CACNA1E: variants seen among roughly 807,000 people sequenced by gnomAD.
The protein encoded by CACNA1E is voltage-dependent R-type calcium channel subunit alpha-1E.
CACNA1E carries 40 observed loss-of-function variants against 259.2 expected under a neutral mutation model. The ratio of observed to expected loss-of-function variants is 0.15; its 90% CI spans 0.12 to 0.20. The LOEUF is 0.20. Ranked by LOEUF, CACNA1E falls within the 10% of genes least tolerant of loss-of-function variation. The probability of loss-of-function intolerance (pLI) is 1.00; values close to 1 mark genes in which losing one functional copy is unlikely to be tolerated. For missense variants in CACNA1E, 1,874 were observed against 3,040.1 expected, an observed-to-expected ratio of 0.62 and a Z score of 9.02; for synonymous variants, 1,104 against 1,138.5, an observed-to-expected ratio of 0.97 and a Z score of 0.61.
intron 43 of CACNA1E, among the ~76,000 whole-genome samples, chr1:181,786,941 A>C (rs939610952): frequency 6.6e-6 from 1 of 152,154 alleles, no homozygotes; most frequent in Admixed American, 6.5e-5. Flanking sequence ...AAAGGATGAG[A>C]GTCATGACCA....
At chr1:181,388,475 C>T (rs943911952) in intron 1 of CACNA1E, among the ~76,000 whole-genome samples, 1 of 152,164 alleles carries the variant, frequency 6.6e-6, no homozygotes, top group South Asian at 2.1e-4. Context: ...GCCTATCGCT[C>T]CTAGGCTACA....
chr1:181,676,710 A>G (rs1406503585), intron 7 of CACNA1E, among the ~76,000 whole-genome samples: 1 of 152,216 alleles, frequency 6.6e-6, no homozygotes, highest in African/African-American at 2.4e-5. Context: ...AAGTGAACTA[A>G]TATCCCCTAT....
intron 1 of CACNA1E, among the ~76,000 whole-genome samples, chr1:181,339,818 A>G (rs1652010148): frequency 6.6e-6 from 1 of 152,070 alleles, no homozygotes; most frequent in Non-Finnish European, 1.5e-5. Flanking sequence ...ACAGTTTCCT[A>G]TTAATTTGTA....
intron 6 of CACNA1E, among the ~76,000 whole-genome samples, chr1:181,587,005 T>G (rs990242506): frequency 6.6e-6 from 1 of 152,058 alleles, no homozygotes; most frequent in Non-Finnish European, 1.5e-5. Context: ...TGTGTGTGTG[T>G]GGTGTGGGGA....
At chr1:181,673,242 G>C (rs1026194873) in intron 7 of CACNA1E, among the ~76,000 whole-genome samples, 1 of 137,538 alleles carries the variant, frequency 7.3e-6, no homozygotes, top group African/African-American at 2.7e-5. Flanking sequence ...GTGTGTGTGT[G>C]TATTTTTCCC....
intron 7 of CACNA1E, among the ~76,000 whole-genome samples, chr1:181,661,346 T>G (rs1052053457): frequency 6.6e-6 from 1 of 152,116 alleles, no homozygotes; most frequent in Non-Finnish European, 1.5e-5. Context: ...GCAGCGGGGC[T>G]GAAGTACAGC....
chr1:181,766,346 A>C (rs1659022732), intron 34 of CACNA1E, among the ~76,000 whole-genome samples, 200 bp from the exon 35 acceptor site: 1 of 152,142 alleles, frequency 6.6e-6, no homozygotes, highest in Non-Finnish European at 1.5e-5. Context: ...CCTTTGGCCA[A>C]CTGTTTACCT....
chr1:181,324,732 T>G (rs1424594952), intron 1 of CACNA1E, among the ~76,000 whole-genome samples: 1 of 152,162 alleles, frequency 6.6e-6, no homozygotes, highest in Non-Finnish European at 1.5e-5. Flanking sequence ...GAGGTTTGCA[T>G]CCATGAAGCC....
intron 1 of CACNA1E, among the ~76,000 whole-genome samples, chr1:181,408,641 T>C (rs1189228587): frequency 6.6e-6 from 1 of 152,078 alleles, no homozygotes; most frequent in African/African-American, 2.4e-5. Context: ...GGAAGGGTTT[T>C]TCTGGGGCTG....
At chr1:181,567,950 T>C (rs1053416854) in intron 3 of CACNA1E, among the ~76,000 whole-genome samples, 6 of 151,906 alleles carry the variant, frequency 3.9e-5, no homozygotes, top group Admixed American at 6.5e-5. Context: ...TATATATATA[T>C]ACACACATAT....
In CACNA1E at chr1:181,785,699, C is replaced by T. The variant is rs755274149; in HGVS notation, c.5680-14C>T. The T allele has an allele frequency of 1.3e-6, 2 of 1,576,524 alleles. No homozygotes were observed. Among genetic ancestry groups the T allele is most frequent in the Non-Finnish European group, 1.7e-6 (2 of 1,146,702 alleles). On this transcript the variant is annotated splice_polypyrimidine_tract_variant and intron_variant, in intron 42 of 47. Coordinates refer to ENST00000367573, the MANE Select transcript of CACNA1E (RefSeq NM_001205293.3). The stretch of plus-strand genomic sequence containing the variant: ...ATTGGAATTCTTTCCTTCTTCTTCC[C>T]TCTTTTTACCCAGAAAAATGCCCCC...
chr1:181,443,123 C>T (rs1164393302), intron 2 of CACNA1E, among the ~76,000 whole-genome samples: 3 of 152,260 alleles, frequency 2.0e-5, no homozygotes. Flanking sequence ...ACACACACCA[C>T]TTTACTTTTT....
At chr1:181,522,751 C>T (rs951875114) in intron 3 of CACNA1E, among the ~76,000 whole-genome samples, 1 of 152,144 alleles carries the variant, frequency 6.6e-6, no homozygotes, top group Non-Finnish European at 1.5e-5. Flanking sequence ...AAGTAAGTGT[C>T]GTATTCTCTG....
At chr1:181,423,546 T>C (rs1658918772) in intron 2 of CACNA1E, among the ~76,000 whole-genome samples, 1 of 152,124 alleles carries the variant, frequency 6.6e-6, no homozygotes, top group African/African-American at 2.4e-5. Flanking sequence ...GTGATCACAT[T>C]CAAACAACAG....
chr1:181,391,662 G>C (rs73044202), intron 1 of CACNA1E, among the ~76,000 whole-genome samples: 32 of 152,122 alleles, frequency 2.1e-4, no homozygotes, highest in Admixed American at 1.2e-3. Context: ...CTCCCCCTGG[G>C]GCCTCCCAGT....
At chr1:181,590,047 C>G (rs895359611) in intron 6 of CACNA1E, among the ~76,000 whole-genome samples, 5 of 152,142 alleles carry the variant, frequency 3.3e-5, no homozygotes, top group Admixed American at 1.3e-4. Context: ...CTGTTGAAAA[C>G]AATATGCGTA....
Position 181,581,623 on chromosome 1 carries a change from C to A in CACNA1E, c.951+847C>A, listed in dbSNP as rs571466352. Among the ~76,000 whole-genome samples, 26 of 152,282 alleles carry A rather than the reference C, an allele frequency of 1.7e-4. 1 individual carries two copies. The South Asian group carries it at 5.2e-3, about 30-fold the overall frequency. On this transcript the variant is annotated intron_variant, in intron 6 of 47. Transcript: ENST00000367573. ...GTGATCATGAAGTCTCTTCCATCTT[C>A]CAGAGTCTAATTTTAATAAGTTATC...
chr1:181,570,069 T>C (rs1193926927), intron 3 of CACNA1E, among the ~76,000 whole-genome samples: 11 of 152,250 alleles, frequency 7.2e-5, no homozygotes, highest in Admixed American at 7.2e-4. Context: ...TCCGTTTATC[T>C]GATCATTTCA....
intron 6 of CACNA1E, among the ~76,000 whole-genome samples, chr1:181,625,727 T>C (rs1656138387): frequency 1.3e-5 from 2 of 152,232 alleles, no homozygotes; most frequent in Non-Finnish European, 2.9e-5. Flanking sequence ...AGCTTTCTTA[T>C]TCATGTGTTC....
Sources: gnomAD v4.1 joint callset for allele counts (sites outside exome capture counted in the v4.1 genomes callset) on GRCh38, gnomAD v4.1.1 for gene constraint, MANE v1.5 for transcripts, NCBI Gene and HGNC (gene_info 2026-07-23, HGNC 2026-07-21) for gene names.